LINGO2: variants seen among roughly 807,000 people sequenced by gnomAD.
LINGO2 encodes the protein leucine-rich repeat and immunoglobulin-like domain-containing nogo receptor-interacting protein 2.
In LINGO2, 14 loss-of-function variants were observed where a neutral mutation model predicts 30.6. The observed-to-expected ratio is 0.46, with a 90% CI of 0.30 to 0.72. LINGO2 has a LOEUF of 0.72. Among genes scored for constraint, LINGO2 ranks in the 30% least tolerant of loss-of-function variants. The probability of loss-of-function intolerance (pLI) is 0.07; values close to 1 mark genes in which losing one functional copy is unlikely to be tolerated. For missense variants in LINGO2, 729 were observed against 751.7 expected (o/e 0.97, Z 0.35); for synonymous variants, 317 against 288.5 (o/e 1.10, Z -1.00).
the LINGO2 span, among the ~76,000 whole-genome samples, chr9:28,883,549 T>C: frequency 6.7e-6 from 1 of 149,492 alleles, no homozygotes; most frequent in Non-Finnish European, 1.5e-5. Flanking sequence ...CCTTCTATGC[T>C]GTCACAGCAA....
chr9:28,588,610 CA>C (rs2135693195), intron 1 of LINGO2, among the ~76,000 whole-genome samples: 1 of 151,832 alleles, frequency 6.6e-6, no homozygotes, highest in East Asian at 1.9e-4. Context: ...AACAAACAAA[CA>C]AACAAACAAA....
intron 2 of LINGO2, among the ~76,000 whole-genome samples, chr9:28,445,992 T>C (rs191062880): frequency 1.3e-5 from 2 of 152,180 alleles, no homozygotes; most frequent in African/African-American, 4.8e-5. Flanking sequence ...ACAAAGTAAT[T>C]TGAGGATATA....
intron 1 of LINGO2, among the ~76,000 whole-genome samples, chr9:28,493,314 C>A (rs962502417): frequency 1.3e-5 from 2 of 152,064 alleles, no homozygotes; most frequent in Non-Finnish European, 2.9e-5. Context: ...CCAGGGTAAC[C>A]AAGAAAGAAA....
chr9:28,373,113 G>A (rs1283111061), intron 2 of LINGO2, among the ~76,000 whole-genome samples: 1 of 151,788 alleles, frequency 6.6e-6, no homozygotes, highest in Non-Finnish European at 1.5e-5. Context: ...TTTCTTATGA[G>A]TATAGAAATT....
At chr9:28,700,008 C>T in the LINGO2 span, among the ~76,000 whole-genome samples, 1 of 152,002 alleles carries the variant, frequency 6.6e-6, no homozygotes, top group Non-Finnish European at 1.5e-5. Context: ...GGCCCTGTTT[C>T]CTCAGAAGCA....
intron 4 of LINGO2, among the ~76,000 whole-genome samples, chr9:28,028,429 G>A (rs1005558243): frequency 6.6e-6 from 1 of 152,102 alleles, no homozygotes; most frequent in Non-Finnish European, 1.5e-5. Context: ...AGTATAAAAG[G>A]TGGAAGTAGG....
the LINGO2 span, among the ~76,000 whole-genome samples, chr9:29,048,927 C>T: frequency 2.0e-5 from 3 of 151,980 alleles, no homozygotes; most frequent in Non-Finnish European, 2.9e-5. Flanking sequence ...TAAGCAATAC[C>T]CTGTAAGCAC....
intron 3 of LINGO2, among the ~76,000 whole-genome samples, chr9:28,369,171 C>A (rs909218739): frequency 6.6e-6 from 1 of 152,092 alleles, no homozygotes; most frequent in African/African-American, 2.4e-5. Context: ...GCTCAGACTC[C>A]TTTTCATTAT....
chr9:28,257,396 GGA>G (rs1822418535), intron 4 of LINGO2, among the ~76,000 whole-genome samples: 1 of 151,790 alleles, frequency 6.6e-6, no homozygotes, highest in Non-Finnish European at 1.5e-5. Flanking sequence ...CCAGTCCGCA[GGA>G]GAGTAGTCCT....
intron 4 of LINGO2, among the ~76,000 whole-genome samples, chr9:28,244,760 C>T (rs549775172): frequency 2.0e-5 from 3 of 150,788 alleles, no homozygotes; most frequent in African/African-American, 4.9e-5. Context: ...AGGAAGAAGT[C>T]GAATCCTTGC....
In LINGO2 at chr9:28,002,573, C is replaced by T. The variant is rs564605992; in HGVS notation, c.-36+9782G>A. 7.2e-5 allele frequency among the ~76,000 whole-genome samples: 11 copies of T among 152,154 alleles called. No individual in the cohort carries two copies. The South Asian group carries it at 2.3e-3, about 32-fold the overall frequency. On this transcript the variant is annotated intron_variant, in intron 5 of 5. Coordinates refer to ENST00000379992, the Ensembl canonical transcript of LINGO2. ...ATGCTGTGCCACATAATTTTGCATTCTTGTTGATTGTTGCCCTCTGTAAGA... is the reference window on the plus strand; with the variant it reads ...ATGCTGTGCCACATAATTTTGCATTTTTGTTGATTGTTGCCCTCTGTAAGA...
At chr9:28,783,658 G>A in the LINGO2 span, among the ~76,000 whole-genome samples, 1 of 152,138 alleles carries the variant, frequency 6.6e-6, no homozygotes, top group Admixed American at 6.5e-5. Context: ...AATTGGGTGT[G>A]GAAAGATAAG....
At chr9:28,795,560 C>T in the LINGO2 span, among the ~76,000 whole-genome samples, 1 of 151,214 alleles carries the variant, frequency 6.6e-6, no homozygotes, top group African/African-American at 2.4e-5. Context: ...GCATATATAC[C>T]TTTAATATAT....
chr9:28,050,029 G>A (rs1824600138), intron 4 of LINGO2, among the ~76,000 whole-genome samples: 1 of 150,688 alleles, frequency 6.6e-6, no homozygotes, highest in South Asian at 2.1e-4. Flanking sequence ...AAGCAGGAAT[G>A]GAAATGAGGA....
At chr9:28,503,859 G>GA (rs2135327061) in intron 1 of LINGO2, among the ~76,000 whole-genome samples, 1 of 149,816 alleles carries the variant, frequency 6.7e-6, no homozygotes, top group African/African-American at 2.5e-5. Flanking sequence ...AGATACGGGG[G>GA]GAAAAAAAAC....
At chr9:28,827,776 T>C in the LINGO2 span, among the ~76,000 whole-genome samples, 3 of 152,198 alleles carry the variant, frequency 2.0e-5, no homozygotes, top group East Asian at 1.9e-4. Flanking sequence ...ATTGAAAACA[T>C]TGCATTAATG....
chr9:28,848,070 A>ATTATACACTATATGTG, the LINGO2 span, among the ~76,000 whole-genome samples: 1 of 27,990 alleles, frequency 3.6e-5, no homozygotes, highest in East Asian at 1.5e-3. Context: ...TATGTATATA[A>ATTATACACTATATGTG]TATATATATA....
At chr9:29,132,127 C>T in the LINGO2 span, among the ~76,000 whole-genome samples, 1 of 151,736 alleles carries the variant, frequency 6.6e-6, no homozygotes, top group Non-Finnish European at 1.5e-5. Context: ...AGGGAGTGTG[C>T]CACAAGTCAG....
At chr9:28,596,125 A>G (rs754496200) in intron 1 of LINGO2, among the ~76,000 whole-genome samples, 4 of 152,152 alleles carry the variant, frequency 2.6e-5, no homozygotes, top group Non-Finnish European at 4.4e-5. Context: ...CTTGAGAGGG[A>G]AGGATATTAT....
Sources: allele counts gnomAD v4.1 joint callset (sites outside exome capture counted in the v4.1 genomes callset), GRCh38; gene constraint gnomAD v4.1.1; transcripts MANE v1.5; gene names NCBI Gene and HGNC (gene_info 2026-07-23, HGNC 2026-07-21).